The following ZNF428 variants were observed in gnomAD, a reference collection of about 807,000 sequenced individuals.
ZNF428 encodes enzyme-like protein PIT13.
In ZNF428, 5 loss-of-function variants were observed where a neutral mutation model predicts 15.6. The ratio of observed to expected loss-of-function variants is 0.32; its 90% CI spans 0.17 to 0.67. The LOEUF (loss-of-function observed/expected upper bound fraction) is 0.67. ZNF428 is among the 30% of genes least tolerant of loss of function. ZNF428 has a pLI of 0.73. For synonymous variants in ZNF428, 97 were observed against 102.2 expected (o/e 0.95, Z 0.31); for missense variants, 237 against 256.0 (o/e 0.93, Z 0.51).
At chr19:43,609,619 A>G (rs1159557851) in intron 2 of ZNF428, among the ~76,000 whole-genome samples, 1 of 151,824 alleles carries the variant, frequency 6.6e-6, no homozygotes, top group Non-Finnish European at 1.5e-5. Flanking sequence ...GTGGGTGCCT[A>G]TAGTCCCAGC....
Position 43,612,069 on chromosome 19 carries a change from G to C in ZNF428, c.76+2160C>G, listed in dbSNP as rs1600086381. On this transcript the variant is annotated intron_variant, in intron 2 of 2. Transcript: ENST00000300811. The surrounding 1 kb of genome is among the most constrained non-coding windows in gnomAD (Gnocchi z 4.2). ...ATCAGGTCATCGTCCACGGCTACCAGGTGTTTCATGTCTACTGTGACTTCC... is the reference window on the plus strand; with the variant it reads ...ATCAGGTCATCGTCCACGGCTACCACGTGTTTCATGTCTACTGTGACTTCC... The C allele has an allele frequency of 7.4e-7, 1 of 1,343,842 alleles. No individual in the cohort carries two copies. The allele number at this position is 1,343,842 out of a possible 1,614,324, so 83.2% of individuals were successfully genotyped here.
intron 1 of ZNF428, among the ~76,000 whole-genome samples, chr19:43,618,837 G>C (rs1973401463): frequency 1.3e-5 from 2 of 152,022 alleles, no homozygotes; most frequent in African/African-American, 4.8e-5. Flanking sequence ...ACACACCTGG[G>C]ACAATCAAGA....
Position 43,614,207 on chromosome 19 carries a change from A to G in ZNF428, c.76+22T>C, listed in dbSNP as rs373435158. 7 of 1,614,070 alleles carry G rather than the reference A, an allele frequency of 4.3e-6. No individual in the cohort carries two copies. The African/African-American group carries it at 8.0e-5, about 18-fold the overall frequency. ...CCAGGATGACAGTCAAGCCGACGCCACCACCTCTAAGGCCACCTTACCTGG... is the reference window on the plus strand; with the variant it reads ...CCAGGATGACAGTCAAGCCGACGCCGCCACCTCTAAGGCCACCTTACCTGG... On this transcript the variant is annotated intron_variant, in intron 2 of 2. Transcript: ENST00000300811.
At chr19:43,611,269 G>C (rs1428187392) in intron 2 of ZNF428, among the ~76,000 whole-genome samples, 1 of 151,952 alleles carries the variant, frequency 6.6e-6, no homozygotes, top group Non-Finnish European at 1.5e-5. Flanking sequence ...CCAAGACCCT[G>C]ATCTCCCTCC....
rs1302830420 is a variant in ZNF428 at position 43,612,339 on chromosome 19, C to T, written c.76+1890G>A. ...ACCAAATCGACCAGTACAAAAAGAGCCCCTTCTAACCGGCCCAGCAGCAGG... is the reference window on the plus strand; with the variant it reads ...ACCAAATCGACCAGTACAAAAAGAGTCCCTTCTAACCGGCCCAGCAGCAGG... On this transcript the variant is annotated intron_variant, in intron 2 of 2. Coordinates refer to ENST00000300811, the MANE Select transcript of ZNF428 (RefSeq NM_182498.4). The surrounding 1 kb of genome is among the most constrained non-coding windows in gnomAD (Gnocchi z 4.2). The T allele has an allele frequency of 1.1e-5, 17 of 1,551,660 alleles. No homozygotes were observed. Among genetic ancestry groups the T allele is most frequent in the Non-Finnish European group, 1.5e-5 (17 of 1,146,996 alleles).
intron 2 of ZNF428, among the ~76,000 whole-genome samples, chr19:43,609,382 G>GAGAGAGAGAGA (rs1555775028): frequency 1.3e-5 from 2 of 151,760 alleles, no homozygotes; most frequent in African/African-American, 2.4e-5. Context: ...GAGAGAGTTA[G>GAGAGAGAGAGA]GTGAATTAAA....
intron 2 of ZNF428, 193 bp downstream of exon 2, chr19:43,614,036 A>C (rs3815422): frequency 0.16 from 243,574 of 1,551,824 alleles, 20,097 homozygotes; most frequent in East Asian, 0.24. Flanking sequence ...TAGCAAGGAG[A>C]GCGACCCCAG....
chr19:43,613,167 G>T, intron 2 of ZNF428: 1 of 1,551,672 alleles, frequency 6.4e-7, no homozygotes, highest in African/African-American at 1.4e-5. Flanking sequence ...ACCCCCAGAA[G>T]AGGAAGAAGT....
intron 2 of ZNF428, among the ~76,000 whole-genome samples, chr19:43,609,299 G>A (rs1393382332): frequency 1.3e-5 from 2 of 150,164 alleles, no homozygotes; most frequent in African/African-American, 5.0e-5. Context: ...ATTTGAAAAG[G>A]TATTTGTGCA....
At chr19:43,618,815 T>C (rs1324542457) in intron 1 of ZNF428, among the ~76,000 whole-genome samples, 1 of 152,164 alleles carries the variant, frequency 6.6e-6, no homozygotes, top group African/African-American at 2.4e-5. Context: ...TTGTATATTT[T>C]ATACGGCAAC....
chr19:43,609,609 G>T (rs943976095), intron 2 of ZNF428, among the ~76,000 whole-genome samples: 6 of 152,056 alleles, frequency 3.9e-5, no homozygotes, highest in East Asian at 1.9e-4. Context: ...GTGTGGGGTG[G>T]TGGGTGCCTA....
At chr19:43,614,076 G>GGAA in intron 2 of ZNF428, 153 bp downstream of exon 2, 1 of 1,560,756 alleles carries the variant, frequency 6.4e-7, no homozygotes, top group South Asian at 1.2e-5. Flanking sequence ...AGTCCCGACT[G>GGAA]GAAGAGATCC....
In ZNF428 at chr19:43,607,416, TACACAC is replaced by T. The variant is rs35296355; in HGVS notation, c.*195_*200del. 230 of 529,806 alleles carry T rather than the reference TACACAC, an allele frequency of 4.3e-4. 1 individual carries two copies. The highest frequency in any genetic ancestry group is 1.4e-3 in the African/African-American group (71 of 50,230). The allele number at this position is 529,806 out of a possible 1,614,324, so 32.8% of individuals were successfully genotyped here. ...ACACAAACACACACACGGGCGGGAA[TACACAC>T]ACACACACACACACTCTGAACCAAC... On this transcript the variant is annotated 3_prime_UTR_variant, in exon 3 of 3. Coordinates refer to ENST00000300811, the MANE Select transcript of ZNF428 (RefSeq NM_182498.4). The surrounding 1 kb of genome is among the most constrained non-coding windows in gnomAD (Gnocchi z 5.1).
In ZNF428 at chr19:43,607,481, C is replaced by T; in HGVS notation, c.*136G>A. The T allele has an allele frequency of 8.7e-7, 1 of 1,151,524 alleles. No homozygotes were observed. The highest frequency in any genetic ancestry group is 1.2e-6 in the Non-Finnish European group (1 of 839,538). 71.3% of individuals were successfully genotyped at this position (1,151,524 alleles called of 1,614,324 possible). On this transcript the variant is annotated 3_prime_UTR_variant, in exon 3 of 3. Coordinates refer to ENST00000300811, the MANE Select transcript of ZNF428 (RefSeq NM_182498.4). The surrounding 1 kb of genome is among the most constrained non-coding windows in gnomAD (Gnocchi z 5.1). ...ATACAGATTTTGGCTTTTATTCTGG[C>T]CATCACACATCTACTTCTAAGACAA...
chr19:43,612,655 C>A lies in ZNF428; in HGVS notation c.76+1574G>T. 1.3e-6 allele frequency: 2 copies of A among 1,551,458 alleles called. No individual in the cohort carries two copies. Among genetic ancestry groups the A allele is most frequent in the African/African-American group, 1.4e-5 (1 of 73,156 alleles). On this transcript the variant is annotated intron_variant, in intron 2 of 2. Coordinates refer to ENST00000300811, the MANE Select transcript of ZNF428 (RefSeq NM_182498.4). The surrounding 1 kb of genome is among the most constrained non-coding windows in gnomAD (Gnocchi z 4.2). ...GAAAGAGTTACGGCCGGCCTAGAAC[C>A]AGCAACAGGGAAAGGAGTGACAGCC... is the stretch of plus-strand genomic sequence containing the variant.
At position 43,607,388 on chromosome 19, in the gene ZNF428, CACACACAA is replaced by C; in HGVS notation, c.*221_*228del. ...CAGGGGGAATACACACACACACACA[CACACACAA>C]ACACACACACGGGCGGGAATACACA... On this transcript the variant is annotated 3_prime_UTR_variant, in exon 3 of 3. Coordinates refer to ENST00000300811, the MANE Select transcript of ZNF428 (RefSeq NM_182498.4). This position sits in a 1 kb window ranked among gnomAD's most constrained non-coding sequence, Gnocchi z 5.1. The C allele has an allele frequency of 1.9e-6, 1 of 529,210 alleles. No individual in the cohort carries two copies. The highest frequency in any genetic ancestry group is 3.2e-5 in the South Asian group (1 of 30,864). The allele number at this position is 529,210 out of a possible 1,614,324, so 32.8% of individuals were successfully genotyped here. A position where few individuals can be genotyped will look rare whatever the true frequency, so the allele number is the denominator to read the frequency against.
Position 43,614,396 on chromosome 19 carries a change from A to G in ZNF428, c.-92T>C, listed in dbSNP as rs1351492256. ...CTCCACAGCCACACCTCCGGCCACA[A>G]GTTCTCTAATACAGGATGTTGGCAG... On this transcript the variant is annotated 5_prime_UTR_variant, in exon 2 of 3. Transcript: ENST00000300811. 1.2e-5 allele frequency: 18 copies of G among 1,500,490 alleles called. No homozygotes were observed. Among genetic ancestry groups the G allele is most frequent in the Non-Finnish European group, 1.6e-5 (18 of 1,130,008 alleles). 92.9% of individuals were successfully genotyped at this position (1,500,490 alleles called of 1,614,324 possible).
intron 1 of ZNF428, 23 bp from the exon 2 acceptor site, chr19:43,614,457 C>T: frequency 9.1e-6 from 13 of 1,435,100 alleles, no homozygotes; most frequent in South Asian, 3.0e-5. Context: ...AAAGGAAAGA[C>T]CTGTGATGAT....
chr19:43,612,924 G>T lies in ZNF428; in HGVS notation c.76+1305C>A. 1 of 1,551,726 alleles carries T rather than the reference G, an allele frequency of 6.4e-7. No homozygotes were observed. The highest frequency in any genetic ancestry group is 1.7e-4 in the Middle Eastern group (1 of 5,992). On this transcript the variant is annotated intron_variant, in intron 2 of 2. Coordinates refer to ENST00000300811, the MANE Select transcript of ZNF428 (RefSeq NM_182498.4). The surrounding 1 kb of genome is among the most constrained non-coding windows in gnomAD (Gnocchi z 4.2). ...ACTGAAATGTCCAGCAGGGTCAAGA[G>T]TTATAACCAGGCCAGCACCCGCAGC...
Sources: allele counts gnomAD v4.1 joint callset (sites outside exome capture counted in the v4.1 genomes callset), GRCh38; gene constraint gnomAD v4.1.1; non-coding constraint Gnocchi (gnomAD v3.1); transcripts MANE v1.5; gene names NCBI Gene and HGNC (gene_info 2026-07-23, HGNC 2026-07-21).